TSEN54: variants seen among roughly 807,000 people sequenced by gnomAD.
TSEN54 encodes tRNA splicing endonuclease subunit 54.
In TSEN54, 55 loss-of-function variants were observed where a neutral mutation model predicts 61.9. The observed-to-expected ratio is 0.89, with a 90% confidence interval of 0.72 to 1.11. TSEN54 has a LOEUF of 1.11. Among genes scored for constraint, TSEN54 ranks in the 50% most tolerant of loss-of-function variants. TSEN54 has a pLI of 0.00. For missense variants in TSEN54, 760 were observed against 687.7 expected (o/e 1.11, Z -1.18); for synonymous variants, 304 against 288.7 (o/e 1.05, Z -0.54).
In TSEN54 at chr17:75,517,560, T is replaced by G. The variant is rs760912997; in HGVS notation, c.373T>G (p.Ser125Ala). Reference sequence around the variant, plus strand: ...GAGCTGTTGGCCCCACTTCCAGGGCTCCATCCACCTCTTCCACCAAGACCT... The same window carrying G: ...GAGCTGTTGGCCCCACTTCCAGGGCGCCATCCACCTCTTCCACCAAGACCT... ...EEALYLLECG[S>A]IHLFHQDLPL... The change falls in exon 5 of 11, where the codon TCC becomes GCC. Residue 125 changes from serine to alanine, a missense_variant. This residue lies in a region of TSEN54 where 667 missense variants were observed against 577.8 expected (regional missense o/e 1.15). Coordinates refer to ENST00000333213, the MANE Select transcript of TSEN54 (RefSeq NM_207346.3). The G allele has an allele frequency of 7.4e-6, 12 of 1,613,532 alleles. No homozygotes were observed. The highest frequency in any genetic ancestry group is 3.3e-5 in the Admixed American group (2 of 59,988).
Position 75,522,177 on chromosome 17 carries a change from G to T in TSEN54, c.1096G>T (p.Val366Phe). 6.4e-7 allele frequency: 1 copy of T among 1,551,022 alleles called. No homozygotes were observed. Among genetic ancestry groups the T allele is most frequent in the South Asian group, 1.2e-5 (1 of 84,414 alleles). ...GGAGGCCGCGCAGTTCCAGGAAGAT[G>T]TCAACGCCGATCCCGAGGTGCAGCG... ...HAEAAQFQED[V>F]NADPEVQRCS... The change falls in exon 8 of 11, where the codon GTC becomes TTC. Residue 366 changes from valine to phenylalanine, a missense_variant. Physicochemically the swap from Val to Phe is conservative, Grantham distance 50. Around this residue, in one of 3 missense-constraint regions of TSEN54, gnomAD observed 667 missense variants for 577.8 expected, o/e 1.15. Transcript: ENST00000333213.
intron 5 of TSEN54, 197 bp from the exon 6 acceptor site, chr17:75,518,798 G>A: frequency 2.0e-6 from 2 of 985,376 alleles, no homozygotes; most frequent in South Asian, 4.7e-5. Context: ...GTAAGTGGGA[G>A]GACAGGAATT....
chr17:75,516,714 C>T, intron 1 of TSEN54, 32 bp from the exon 2 acceptor site: 20 of 1,428,914 alleles, frequency 1.4e-5, no homozygotes, highest in Non-Finnish European at 1.8e-5. Context: ...CCCCGATGCG[C>T]GGCGCTGACC....
In TSEN54 at chr17:75,523,763, C is replaced by G. The variant is rs779644096; in HGVS notation, c.1414C>G (p.Arg472Gly). Reference sequence around the variant, plus strand: ...GAATAACCCTGGCAAACCCTATGCCCGGATGTGCATTAGTGGGTACGCAGT... The same window carrying G: ...GAATAACCCTGGCAAACCCTATGCCGGGATGTGCATTAGTGGGTACGCAGT... ...RKNNPGKPYA[R>G]MCISGFDEPV... Residue 472 changes from arginine to glycine, a missense_variant, in exon 10 of 11, where the codon CGG becomes GGG. By Grantham distance (125) the Arg-to-Gly change is moderately radical (BLOSUM62 -2). Around this residue, in one of 3 missense-constraint regions of TSEN54, gnomAD observed 83 missense variants for 82.9 expected, o/e 1.00. Coordinates refer to ENST00000333213, the MANE Select transcript of TSEN54 (RefSeq NM_207346.3). 1.2e-6 allele frequency: 2 copies of G among 1,613,898 alleles called. No individual in the cohort carries two copies. The highest frequency in any genetic ancestry group is 1.7e-6 in the Non-Finnish European group (2 of 1,179,900).
chr17:75,517,337 TA>T, intron 4 of TSEN54, 93 bp downstream of exon 4: 1 of 1,441,920 alleles, frequency 6.9e-7, no homozygotes, highest in Non-Finnish European at 9.5e-7. Flanking sequence ...ACCCGGTCTT[TA>T]GAGAACTGAT....
chr17:75,518,629 G>A (rs1414833866), intron 5 of TSEN54: 1 of 985,288 alleles, frequency 1.0e-6, no homozygotes, highest in African/African-American at 1.7e-5. Context: ...CTGGAGAGAT[G>A]CCCACCACCT....
chr17:75,517,026 C>T lies in TSEN54; in HGVS notation c.239C>T (p.Ala80Val). 6.3e-7 allele frequency: 1 copy of T among 1,591,894 alleles called. No homozygotes were observed. The highest frequency in any genetic ancestry group is 1.1e-5 in the South Asian group (1 of 87,792). Residue 80 changes from alanine to valine, a missense_variant, in exon 3 of 11, where the codon GCC (alanine) becomes GTC (valine). Physicochemically the swap from Ala to Val is moderately conservative, Grantham distance 64 (BLOSUM62 0). Coordinates refer to ENST00000333213, the MANE Select transcript of TSEN54 (RefSeq NM_207346.3). ...RVERLGSLVA[A>V]EWRPEEGFVE... The stretch of plus-strand genomic sequence containing the variant: ...CTCGCCAGGGGCAGCTTGGTGGCTG[C>T]CGAGTGGAGGCCAGAAGAGGGCTTC...
chr17:75,524,515 C>A lies in TSEN54; in HGVS notation c.*103C>A. Reference sequence around the variant, plus strand: ...CCTGTACCCAGACTCTAACCTGTAGCTTCAGAGGCCAGTCTGGGCCTTGGC... The same window carrying A: ...CCTGTACCCAGACTCTAACCTGTAGATTCAGAGGCCAGTCTGGGCCTTGGC... On this transcript the variant is annotated 3_prime_UTR_variant, in exon 11 of 11. Transcript: ENST00000333213. The A allele has an allele frequency of 7.0e-7, 1 of 1,434,778 alleles. No individual in the cohort carries two copies. The highest frequency in any genetic ancestry group is 9.7e-7 in the Non-Finnish European group (1 of 1,028,218). 88.9% of individuals were successfully genotyped at this position (1,434,778 alleles called of 1,614,324 possible). A position where few individuals can be genotyped will look rare whatever the true frequency, so the allele number is the denominator to read the frequency against.
chr17:75,523,414 G>A, intron 9 of TSEN54, 79 bp downstream of exon 9: 1 of 1,611,400 alleles, frequency 6.2e-7, no homozygotes, highest in Non-Finnish European at 8.5e-7. Flanking sequence ...CCTGAAGTAG[G>A]GTGTAAACTA....
chr17:75,523,494 G>T, intron 9 of TSEN54, 159 bp downstream of exon 9: 1 of 1,596,764 alleles, frequency 6.3e-7, no homozygotes, highest in South Asian at 1.1e-5. Context: ...TGTGTGTCTA[G>T]GGAAGAGGGA....
chr17:75,521,932 C>G lies in TSEN54; in HGVS notation c.851C>G (p.Ala284Gly). The G allele has an allele frequency of 6.2e-7, 1 of 1,610,354 alleles. No homozygotes were observed. The highest frequency in any genetic ancestry group is 8.5e-7 in the Non-Finnish European group (1 of 1,179,010). Residue 284 changes from alanine (A) to glycine (G), a missense_variant, in exon 8 of 11, where the codon GCC (alanine) becomes GGC (glycine). This residue lies in a region of TSEN54 where 667 missense variants were observed against 577.8 expected (regional missense o/e 1.15). Transcript: ENST00000333213. ...GGGTGCAGCTGGGAGAGTGGCAGAG[C>G]CGAGAACGGAGTCACGGGAGCCGGT... ...GVGCSWESGR[A>G]ENGVTGAGKR...
In TSEN54 at chr17:75,522,132, C is replaced by T. The variant is rs778898794; in HGVS notation, c.1051C>T (p.Arg351Trp). ...CCAGCGCAAGGAGAAGCTCTCCAGG[C>T]GGGAACGGGAGCACCACGCGGAGGC... ...LNQRKEKLSRREREHHAEAAQ... is the reference protein window; with the variant it reads ...LNQRKEKLSRWEREHHAEAAQ... The change falls in exon 8 of 11, where the codon CGG (arginine) becomes TGG (tryptophan). Residue 351 changes from arginine to tryptophan, a missense_variant. This residue lies in a region of TSEN54 where 667 missense variants were observed against 577.8 expected (regional missense o/e 1.15). Coordinates refer to ENST00000333213, the MANE Select transcript of TSEN54 (RefSeq NM_207346.3). 3.5e-5 allele frequency: 55 copies of T among 1,566,260 alleles called. No homozygotes were observed. The highest frequency in any genetic ancestry group is 1.4e-4 in the African/African-American group (10 of 73,568).
At position 75,518,886 on chromosome 17, in the gene TSEN54, G is replaced by T; in HGVS notation, c.469-109G>T. On this transcript the variant is annotated intron_variant, in intron 5 of 10. Coordinates refer to ENST00000333213, the MANE Select transcript of TSEN54 (RefSeq NM_207346.3). ...TAATCACAGGGTTTAGAATCTGGGGGTGTACAGGAGGGGCAGAGAGGGCTG... is the reference window on the plus strand; with the variant it reads ...TAATCACAGGGTTTAGAATCTGGGGTTGTACAGGAGGGGCAGAGAGGGCTG... 5 of 1,596,690 alleles carry T rather than the reference G, an allele frequency of 3.1e-6. No homozygotes were observed. The South Asian group carries it at 4.4e-5, about 14-fold the overall frequency.
At chr17:75,523,869 G>C (rs1449379248) in intron 10 of TSEN54, 90 bp downstream of exon 10, 1 of 1,428,240 alleles carries the variant, frequency 7.0e-7, no homozygotes, top group South Asian at 1.2e-5. Flanking sequence ...CCTGGCCAGC[G>C]TGCCAATCTC....
At chr17:75,518,835 G>A (rs1403523691) in intron 5 of TSEN54, 160 bp from the exon 6 acceptor site, 4 of 985,280 alleles carry the variant, frequency 4.1e-6, no homozygotes, top group Non-Finnish European at 3.6e-6. Flanking sequence ...TAGGGATGGT[G>A]TTCGTAATGA....
chr17:75,518,379 T>C (rs536602703), intron 5 of TSEN54: 1 of 275,786 alleles, frequency 3.6e-6, no homozygotes, highest in East Asian at 1.7e-4. Context: ...AGGGGGCAGA[T>C]AAGAAGCAGA....
At position 75,522,251 on chromosome 17, in the gene TSEN54, G is replaced by A; in HGVS notation, c.1170G>A (p.Val390=). ...AGGAGCTGCTGCAGCGGCGGCAGGT[G>A]CAGAGGAGCCAGCGCCGGGCCCCTC... is the stretch of plus-strand genomic sequence containing the variant. The part of the protein sequence containing the change: ...EYKELLQRRQ[V]QRSQRRAPHL... The change falls in exon 8 of 11, where the codon GTG becomes GTA. Residue 390 remains valine, a synonymous_variant. Coordinates refer to ENST00000333213, the MANE Select transcript of TSEN54 (RefSeq NM_207346.3). The A allele has an allele frequency of 6.5e-7, 1 of 1,547,988 alleles. No homozygotes were observed. The highest frequency in any genetic ancestry group is 8.7e-7 in the Non-Finnish European group (1 of 1,146,376).
chr17:75,518,670 G>A (rs2053398266), intron 5 of TSEN54: 1 of 985,418 alleles, frequency 1.0e-6, no homozygotes, highest in East Asian at 1.1e-4. Context: ...GTGATCGGCA[G>A]CTTCACTCCT....
rs990961037 is a variant in TSEN54 at position 75,516,635 on chromosome 17, G to A, written c.56+19G>A. The A allele has an allele frequency of 7.4e-6, 9 of 1,212,168 alleles. No homozygotes were observed. The highest frequency in any genetic ancestry group is 1.6e-5 in the African/African-American group (1 of 62,920). 75.1% of individuals were successfully genotyped at this position (1,212,168 alleles called of 1,614,324 possible). On this transcript the variant is annotated intron_variant, in intron 1 of 10. Transcript: ENST00000333213. ...TGCTCAGGTGCGGCGCGGCCCGGCC[G>A]GAGTGGGTGTCGGGGGCGCGGGGCC... is the stretch of plus-strand genomic sequence containing the variant.
Sources: allele counts gnomAD v4.1 joint callset, GRCh38; gene constraint gnomAD v4.1.1; regional missense constraint gnomAD v4.1.1; transcripts MANE v1.5; gene names NCBI Gene and HGNC (gene_info 2026-07-23, HGNC 2026-07-21).